DPP10: variants seen among roughly 807,000 people sequenced by gnomAD.
DPP10 encodes dipeptidyl peptidase like 10, also known as inactive dipeptidyl peptidase 10.
In DPP10, 33 loss-of-function variants were observed where a neutral mutation model predicts 120.9. The observed-to-expected ratio is 0.27, with a 90% CI of 0.21 to 0.37. The LOEUF (loss-of-function observed/expected upper bound fraction) is 0.37. Ranked by LOEUF, DPP10 falls within the 10% of genes least tolerant of loss-of-function variation. The pLI is 1.00. For synonymous variants in DPP10, 337 were observed against 326.1 expected (o/e 1.03, Z -0.36); for missense variants, 816 against 942.8 (o/e 0.87, Z 1.76).
Position 115,250,491 on chromosome 2 carries a change from G to A in DPP10, c.61-58748G>A, listed in dbSNP as rs546958734. On this transcript the variant is annotated intron_variant, in intron 1 of 25. Coordinates refer to ENST00000410059, the MANE Select transcript of DPP10 (RefSeq NM_020868.6). ...AGAAGATTGGAAGAGAAATGTATGG[G>A]TGGTACATGTAGGGAATAGGGACTC... Among the ~76,000 whole-genome samples the A allele has an allele frequency of 2.0e-4, 31 of 152,280 alleles. 1 individual carries two copies. In the South Asian group the frequency reaches 5.8e-3, roughly 28 times the overall value.
intron 1 of DPP10, among the ~76,000 whole-genome samples, chr2:115,136,942 C>A (rs2050680990): frequency 6.6e-6 from 1 of 152,152 alleles, no homozygotes; most frequent in African/African-American, 2.4e-5. Flanking sequence ...ATTAGTTCTC[C>A]TTCCCTTTAG....
intron 1 of DPP10, among the ~76,000 whole-genome samples, chr2:114,618,369 C>A (rs563004474): frequency 6.6e-6 from 1 of 152,136 alleles, no homozygotes; most frequent in Non-Finnish European, 1.5e-5. Context: ...GACAAGTACA[C>A]AGGTCTCTCT....
chr2:115,708,972 G>C (rs1180983677), intron 7 of DPP10, among the ~76,000 whole-genome samples: 2 of 152,018 alleles, frequency 1.3e-5, no homozygotes, highest in Non-Finnish European at 2.9e-5. Context: ...ATATAGAAGA[G>C]CAATTGCTCA....
chr2:115,715,571 C>T (rs2092467284), intron 7 of DPP10, among the ~76,000 whole-genome samples: 1 of 152,064 alleles, frequency 6.6e-6, no homozygotes, highest in African/African-American at 2.4e-5. Flanking sequence ...CTTCCTTATC[C>T]TTCTCATGTT....
intron 1 of DPP10, among the ~76,000 whole-genome samples, chr2:114,496,876 G>A (rs1254334565): frequency 1.3e-5 from 2 of 151,910 alleles, no homozygotes; most frequent in Non-Finnish European, 2.9e-5. Flanking sequence ...GAAGAAACAA[G>A]TCCTTTGTTT....
intron 1 of DPP10, among the ~76,000 whole-genome samples, chr2:114,522,003 G>C (rs1431743258): frequency 7.1e-6 from 1 of 141,608 alleles, no homozygotes; most frequent in African/African-American, 2.6e-5. Flanking sequence ...TTTTTGAGAC[G>C]GAGTCTCGCT....
At chr2:115,836,101 GT>G in intron 21 of DPP10, 55 bp from the exon 22 acceptor site, 3 of 25,486 alleles carry the variant, frequency 1.2e-4, no homozygotes, top group South Asian at 1.0e-3. Context: ...GTGTGTGTAT[GT>G]GTGTGTGTGT....
chr2:115,494,117 TTA>T (rs2076271420), intron 3 of DPP10, among the ~76,000 whole-genome samples: 1 of 151,896 alleles, frequency 6.6e-6, no homozygotes, highest in African/African-American at 2.4e-5. Context: ...GCTAATTTTT[TTA>T]TGTTTAGTAG....
At chr2:115,484,909 C>T (rs921555463) in intron 3 of DPP10, among the ~76,000 whole-genome samples, 1 of 152,040 alleles carries the variant, frequency 6.6e-6, no homozygotes, top group Non-Finnish European at 1.5e-5. Flanking sequence ...GATCATCCTT[C>T]TTCTAAAAAC....
chr2:115,367,991 T>A (rs1354722964), intron 3 of DPP10, among the ~76,000 whole-genome samples: 1 of 152,116 alleles, frequency 6.6e-6, no homozygotes, highest in South Asian at 2.1e-4. Flanking sequence ...TTTAGGTTCA[T>A]GTCCCTTAAT....
intron 1 of DPP10, among the ~76,000 whole-genome samples, chr2:114,812,426 A>C (rs543569047): frequency 6.6e-6 from 1 of 151,986 alleles, no homozygotes; most frequent in Non-Finnish European, 1.5e-5. Flanking sequence ...TCTCTACAAA[A>C]AATTTTTAAA....
At chr2:114,921,060 G>T (rs1025389750) in intron 1 of DPP10, among the ~76,000 whole-genome samples, 4 of 152,146 alleles carry the variant, frequency 2.6e-5, no homozygotes, top group Non-Finnish European at 4.4e-5. Context: ...ATAAATAAAT[G>T]ATAAACTAAC....
intron 5 of DPP10, among the ~76,000 whole-genome samples, chr2:115,628,099 G>C (rs1195083664): frequency 6.6e-6 from 1 of 151,976 alleles, no homozygotes; most frequent in Non-Finnish European, 1.5e-5. Flanking sequence ...TTGCCATGCT[G>C]TCTTCCACAG....
chr2:114,519,106 A>G (rs137880852), intron 1 of DPP10, among the ~76,000 whole-genome samples: 5 of 152,346 alleles, frequency 3.3e-5, no homozygotes, highest in African/African-American at 1.2e-4. Flanking sequence ...AATATCATTC[A>G]TTGATAGGAA....
intron 1 of DPP10, among the ~76,000 whole-genome samples, chr2:114,595,764 C>T (rs1173958365): frequency 1.3e-5 from 2 of 152,076 alleles, no homozygotes. Flanking sequence ...AGAGCAGAGA[C>T]CATTGTGGCC....
At chr2:114,554,721 G>T (rs80105765) in intron 1 of DPP10, among the ~76,000 whole-genome samples, 1,709 of 152,202 alleles carry the variant, frequency 0.011, 28 homozygotes, top group African/African-American at 0.039. Context: ...TGCCCATTCC[G>T]GGCTTTAACA....
At chr2:114,901,175 C>T (rs750991702) in intron 1 of DPP10, among the ~76,000 whole-genome samples, 1 of 152,024 alleles carries the variant, frequency 6.6e-6, no homozygotes, top group Non-Finnish European at 1.5e-5. Flanking sequence ...AAATGGATAA[C>T]TCGTTTTGTT....
intron 1 of DPP10, among the ~76,000 whole-genome samples, chr2:114,755,123 T>G (rs995574534): frequency 3.3e-5 from 5 of 152,234 alleles, no homozygotes; most frequent in African/African-American, 1.2e-4. Context: ...AGTGGTAAGC[T>G]GTTTAAACAA....
intron 3 of DPP10, among the ~76,000 whole-genome samples, chr2:115,435,451 T>A (rs1196239533): frequency 6.6e-5 from 10 of 151,954 alleles, no homozygotes; most frequent in Admixed American, 6.6e-4. Flanking sequence ...TGATTAGTGA[T>A]GTTCAACATT....
Sources: allele counts gnomAD v4.1 joint callset (sites outside exome capture counted in the v4.1 genomes callset), GRCh38; gene constraint gnomAD v4.1.1; transcripts MANE v1.5; gene names NCBI Gene and HGNC (gene_info 2026-07-23, HGNC 2026-07-21).